Variants in ZBTB18 observed in about 807,000 individuals in gnomAD.
ZBTB18 encodes zinc finger and BTB domain-containing protein 18.
ZBTB18 carries 2 observed loss-of-function variants against 37.7 expected under a neutral mutation model. That is an observed-to-expected ratio of 0.05 (90% confidence interval 0.02 to 0.17). The LOEUF is 0.17. Among genes scored for constraint, ZBTB18 ranks in the 10% least tolerant of loss-of-function variants. The pLI is 1.00. For missense variants in ZBTB18, 408 were observed against 686.3 expected (o/e 0.59, Z 4.53); for synonymous variants, 304 against 276.5 (o/e 1.10, Z -0.99).
chr1:244,049,405 G>C (rs1572527113), upstream of ZBTB18, among the ~76,000 whole-genome samples: 2 of 149,906 alleles, frequency 1.3e-5, no homozygotes, highest in South Asian at 4.2e-4. Context: ...AGTGGCGCCC[G>C]GGACGGCCGC....
In ZBTB18 at chr1:244,056,400, T is replaced by G. The variant is rs2148558859; in HGVS notation, c.*1030T>G. ...CTGAATAAAAACTTAAGCTGCAAATTGATAACTTCGCTACATAACAAGGAA... is the reference window on the plus strand; with the variant it reads ...CTGAATAAAAACTTAAGCTGCAAATGGATAACTTCGCTACATAACAAGGAA... On this transcript the variant is annotated 3_prime_UTR_variant, in exon 2 of 2. Transcript: ENST00000358704. The G allele has an allele frequency of 6.0e-6, 1 of 167,230 alleles. No homozygotes were observed. The highest frequency in any genetic ancestry group is 1.5e-5 in the Non-Finnish European group (1 of 68,112). The allele number at this position is 167,230 out of a possible 1,614,324, so 10.4% of individuals were successfully genotyped here.
Position 244,055,676 on chromosome 1 carries a change from A to C in ZBTB18, c.*306A>C, listed in dbSNP as rs1159384828. The C allele has an allele frequency of 6.0e-6, 1 of 166,098 alleles. No individual in the cohort carries two copies. The highest frequency in any genetic ancestry group is 1.9e-4 in the East Asian group (1 of 5,174). 10.3% of individuals were successfully genotyped at this position (166,098 alleles called of 1,614,324 possible). ...TTTCATATGGCTTAATTTTGTCAACACTGCATTGTCTTTTGAGCTCTTTTT... is the reference window on the plus strand; with the variant it reads ...TTTCATATGGCTTAATTTTGTCAACCCTGCATTGTCTTTTGAGCTCTTTTT... On this transcript the variant is annotated 3_prime_UTR_variant, in exon 2 of 2. Transcript: ENST00000358704. The surrounding 1 kb of genome is among the most constrained non-coding windows in gnomAD (Gnocchi z 7.0).
In ZBTB18 at chr1:244,055,122, A is replaced by C. The variant is rs763780872; in HGVS notation, c.1348A>C (p.Thr450Pro). 6.2e-7 allele frequency: 1 copy of C among 1,614,108 alleles called. No homozygotes were observed. Among genetic ancestry groups the C allele is most frequent in the Non-Finnish European group, 8.5e-7 (1 of 1,180,030 alleles). Reference protein sequence around the residue: ...THSGEKPYTCTQCGKSFQYSH... With the variant: ...THSGEKPYTCPQCGKSFQYSH... ...CTCGGGGGAGAAGCCCTACACATGC[A>C]CCCAGTGCGGCAAGAGCTTCCAGTA... The change falls in exon 2 of 2, where the codon ACC becomes CCC. Residue 450 changes from threonine to proline, a missense_variant. Coordinates refer to ENST00000358704, the MANE Select transcript of ZBTB18 (RefSeq NM_205768.3). The surrounding 1 kb of genome is among the most constrained non-coding windows in gnomAD (Gnocchi z 7.0).
chr1:244,051,869 G>A (rs1027069634), intron 1 of ZBTB18, among the ~76,000 whole-genome samples: 3 of 152,038 alleles, frequency 2.0e-5, no homozygotes, highest in Admixed American at 6.6e-5. Context: ...TAATTCCTCT[G>A]TGAAACTTTA....
chr1:244,055,287 T>C lies in ZBTB18; in HGVS notation c.1513T>C (p.Leu505=). ...GTTCCACTGTGAGTTGGTGAACTCC[T>C]TGTCGGTCAAAAGCGAAGCACTGAG... The part of the protein sequence containing the change: ...RKFHCELVNS[L]SVKSEALSLP... Residue 505 remains leucine (L), a synonymous_variant, in exon 2 of 2, where the codon TTG becomes CTG. Coordinates refer to ENST00000358704, the MANE Select transcript of ZBTB18 (RefSeq NM_205768.3). The surrounding 1 kb of genome is among the most constrained non-coding windows in gnomAD (Gnocchi z 7.0). 6.2e-7 allele frequency: 1 copy of C among 1,613,698 alleles called. No individual in the cohort carries two copies. The highest frequency in any genetic ancestry group is 8.5e-7 in the Non-Finnish European group (1 of 1,179,902).
In ZBTB18 at chr1:244,053,801, T is replaced by C. The variant is rs376545961; in HGVS notation, c.27T>C (p.Ser9=). The C allele has an allele frequency of 7.9e-5, 127 of 1,612,622 alleles. No individual in the cohort carries two copies. The highest frequency in any genetic ancestry group is 9.4e-5 in the Non-Finnish European group (111 of 1,179,140). Residue 9 remains serine (S), a synonymous_variant, in exon 2 of 2, where the codon AGT becomes AGC. Coordinates refer to ENST00000358704, the MANE Select transcript of ZBTB18 (RefSeq NM_205768.3). This position sits in a 1 kb window ranked among gnomAD's most constrained non-coding sequence, Gnocchi z 5.2. ...CTCTCTCCCCAGGTTATGAAGACAG[T>C]ATGGAGTTTCCAGACCATAGTAGAC... The part of the protein sequence containing the change: MCPKGYED[S]MEFPDHSRHL...
Position 244,056,265 on chromosome 1 carries a change from C to G in ZBTB18, c.*895C>G, listed in dbSNP as rs1218821383. 1 of 166,422 alleles carries G rather than the reference C, an allele frequency of 6.0e-6. No individual in the cohort carries two copies. The highest frequency in any genetic ancestry group is 1.5e-5 in the Non-Finnish European group (1 of 67,964). The allele number at this position is 166,422 out of a possible 1,614,324, so 10.3% of individuals were successfully genotyped here. ...TTTAATTTCCTTAGAAAAATAACAC[C>G]ATTTGGAAAAAAAAACTGGTGTTAT... On this transcript the variant is annotated 3_prime_UTR_variant, in exon 2 of 2. Transcript: ENST00000358704.
At position 244,054,764 on chromosome 1, in the gene ZBTB18, G is replaced by C. The variant is rs139252576; in HGVS notation, c.990G>C (p.Ser330=). 2 of 1,614,118 alleles carry C rather than the reference G, an allele frequency of 1.2e-6. No individual in the cohort carries two copies. The highest frequency in any genetic ancestry group is 1.6e-4 in the Middle Eastern group (1 of 6,062). The change falls in exon 2 of 2, where the codon TCG becomes TCC. Residue 330 remains serine, a synonymous_variant. Transcript: ENST00000358704. The surrounding 1 kb of genome is among the most constrained non-coding windows in gnomAD (Gnocchi z 9.0). ...PAHLAPLRED[S]VLRELDREDK... is the part of the protein sequence containing the mutation. ...ATCTGGCTCCCCTGAGGGAGGACTC[G>C]GTCTTGAGGGAGCTGGACCGGGAGG...
chr1:244,054,734 G>T lies in ZBTB18; in HGVS notation c.960G>T (p.Pro320=). The change falls in exon 2 of 2, where the codon CCG becomes CCT. Residue 320 remains proline, a synonymous_variant. Coordinates refer to ENST00000358704, the MANE Select transcript of ZBTB18 (RefSeq NM_205768.3). This position sits in a 1 kb window ranked among gnomAD's most constrained non-coding sequence, Gnocchi z 9.0. The part of the protein sequence containing the change: ...VSTNNRVQYE[P]AHLAPLREDS... ...CTAATAACAGGGTACAGTATGAGCC[G>T]GCCCATCTGGCTCCCCTGAGGGAGG... The T allele has an allele frequency of 6.2e-7, 1 of 1,614,124 alleles. No homozygotes were observed. Among genetic ancestry groups the T allele is most frequent in the Non-Finnish European group, 8.5e-7 (1 of 1,180,018 alleles).
In ZBTB18 at chr1:244,054,205, C is replaced by T. The variant is rs1471910932; in HGVS notation, c.431C>T (p.Ser144Leu). The T allele has an allele frequency of 3.1e-6, 5 of 1,614,008 alleles. No individual in the cohort carries two copies. Among genetic ancestry groups the T allele is most frequent in the Non-Finnish European group, 4.2e-6 (5 of 1,180,028 alleles). ...ADSTKKEEDA[S>L]SCSDKVESLS... Reference sequence around the variant, plus strand: ...AGCACCAAAAAGGAAGAAGATGCTTCAAGTTGTTCGGACAAAGTCGAGAGT... The same window carrying T: ...AGCACCAAAAAGGAAGAAGATGCTTTAAGTTGTTCGGACAAAGTCGAGAGT... Residue 144 changes from serine to leucine, a missense_variant, in exon 2 of 2, where the codon TCA becomes TTA. Transcript: ENST00000358704. The surrounding 1 kb of genome is among the most constrained non-coding windows in gnomAD (Gnocchi z 9.0).
intron 1 of ZBTB18, 45 bp downstream of exon 1, chr1:244,051,489 G>A (rs370133078): frequency 1.9e-6 from 3 of 1,610,036 alleles, no homozygotes; most frequent in African/African-American, 1.3e-5. Context: ...CTGTTTTGGT[G>A]TTTTGTTTAT....
chr1:244,053,824 G>A lies in ZBTB18; in HGVS notation c.50G>A (p.Arg17Lys). Residue 17 changes from arginine (R) to lysine (K), a missense_variant, in exon 2 of 2, where the codon AGA (arginine) becomes AAA (lysine). Physicochemically the swap from Arg to Lys is conservative, Grantham distance 26 (BLOSUM62 2). Transcript: ENST00000358704. The surrounding 1 kb of genome is among the most constrained non-coding windows in gnomAD (Gnocchi z 5.2). ...EDSMEFPDHS[R>K]HLLQCLSEQR... ...AGTATGGAGTTTCCAGACCATAGTA[G>A]ACATTTGCTACAGTGTCTGAGCGAG... 1 of 1,614,098 alleles carries A rather than the reference G, an allele frequency of 6.2e-7. No individual in the cohort carries two copies. Among genetic ancestry groups the A allele is most frequent in the Non-Finnish European group, 8.5e-7 (1 of 1,179,996 alleles).
At chr1:244,050,077 GT>G, upstream of ZBTB18, among the ~76,000 whole-genome samples, 1 of 152,240 alleles carries the variant, frequency 6.6e-6, no homozygotes, top group Non-Finnish European at 1.5e-5. Context: ...AGAAAGTTAG[GT>G]TTGTGACTTT....
At chr1:244,051,270 C>A, upstream of ZBTB18, 1 of 649,294 alleles carries the variant, frequency 1.5e-6, no homozygotes. Flanking sequence ...TTCTAACACA[C>A]AGACAGGGAG....
At chr1:244,052,537 G>A (rs1698374294) in intron 1 of ZBTB18, among the ~76,000 whole-genome samples, 1 of 152,158 alleles carries the variant, frequency 6.6e-6, no homozygotes. Flanking sequence ...GTGGTGTGGA[G>A]GCTTGCTTCT....
chr1:244,051,922 A>G (rs1698362988), intron 1 of ZBTB18, among the ~76,000 whole-genome samples: 1 of 152,190 alleles, frequency 6.6e-6, no homozygotes, highest in Non-Finnish European at 1.5e-5. Flanking sequence ...ATACAGCTGT[A>G]GTGCTGTTGA....
chr1:244,056,460 A>C lies in ZBTB18; in HGVS notation c.*1090A>C, dbSNP rs1032507661. ...GTTTACAAACAGCTTAAAGATTTGC[A>C]TGTGCAGTGTGCATTTATAACAAAC... On this transcript the variant is annotated 3_prime_UTR_variant, in exon 2 of 2. Coordinates refer to ENST00000358704, the MANE Select transcript of ZBTB18 (RefSeq NM_205768.3). 3 of 167,140 alleles carry C rather than the reference A, an allele frequency of 1.8e-5. No homozygotes were observed. Among genetic ancestry groups the C allele is most frequent in the African/African-American group, 7.2e-5 (3 of 41,476 alleles). The allele number at this position is 167,140 out of a possible 1,614,324, so 10.4% of individuals were successfully genotyped here.
chr1:244,052,646 C>G (rs184994651), intron 1 of ZBTB18, among the ~76,000 whole-genome samples: 2 of 152,240 alleles, frequency 1.3e-5, no homozygotes, highest in East Asian at 3.9e-4. Context: ...TTTCTCCTCC[C>G]TCCATTTCAC....
chr1:244,050,744 T>A (rs1572528352), upstream of ZBTB18, among the ~76,000 whole-genome samples: 1 of 152,160 alleles, frequency 6.6e-6, no homozygotes, highest in East Asian at 1.9e-4. Context: ...GGTGAACCAG[T>A]CTGAAGTAAT....
Sources: allele counts gnomAD v4.1 joint callset (sites outside exome capture counted in the v4.1 genomes callset), GRCh38; gene constraint gnomAD v4.1.1; non-coding constraint Gnocchi (gnomAD v3.1); transcripts MANE v1.5; gene names NCBI Gene and HGNC (gene_info 2026-07-23, HGNC 2026-07-21).